Variants in MMP16 observed in about 807,000 individuals in gnomAD.
MMP16 encodes matrix metalloproteinase-16.
MMP16 carries 12 observed loss-of-function variants against 67.8 expected under a neutral mutation model. The ratio of observed to expected loss-of-function variants is 0.18; its 90% CI spans 0.11 to 0.29. The LOEUF (loss-of-function observed/expected upper bound fraction) is 0.29. Among genes scored for constraint, MMP16 ranks in the 10% least tolerant of loss-of-function variants. The pLI, the probability that MMP16 is intolerant of heterozygous loss-of-function variation, is 1.00. For synonymous variants in MMP16, 249 were observed against 255.9 expected (o/e 0.97, Z 0.26); for missense variants, 475 against 765.7 (o/e 0.62, Z 4.48).
At chr8:88,315,078 T>C (rs948536164) in intron 1 of MMP16, among the ~76,000 whole-genome samples, 10 of 152,226 alleles carry the variant, frequency 6.6e-5, no homozygotes, top group Admixed American at 6.5e-4. Flanking sequence ...GTGACTTGAA[T>C]ATCACTGTTC....
At chr8:88,260,252 C>T (rs1380606005) in intron 1 of MMP16, among the ~76,000 whole-genome samples, 2 of 152,068 alleles carry the variant, frequency 1.3e-5, no homozygotes, top group African/African-American at 4.8e-5. Flanking sequence ...TCCTATGAAA[C>T]AGTTCCTTCA....
chr8:88,160,347 A>C (rs180852431), intron 4 of MMP16, among the ~76,000 whole-genome samples: 74 of 152,132 alleles, frequency 4.9e-4, no homozygotes, highest in East Asian at 3.5e-3. Context: ...TATATGTGCC[A>C]CATTTTCTTA....
intron 4 of MMP16, among the ~76,000 whole-genome samples, chr8:88,127,649 T>A (rs1179364744): frequency 1.3e-5 from 2 of 151,854 alleles, no homozygotes; most frequent in Non-Finnish European, 2.9e-5. Flanking sequence ...ATTAGAACTT[T>A]CAAGGTTATA....
intron 6 of MMP16, among the ~76,000 whole-genome samples, chr8:88,086,983 G>C (rs916616765): frequency 2.0e-5 from 3 of 151,832 alleles, no homozygotes; most frequent in Non-Finnish European, 4.4e-5. Context: ...CAGAGACAGA[G>C]AGAGATCAGC....
rs531185727 is a variant in MMP16, at chr8:88,232,886, C to T, written c.133-35580G>A. On this transcript the variant is annotated intron_variant, in intron 1 of 9. Coordinates refer to ENST00000286614, the MANE Select transcript of MMP16 (RefSeq NM_005941.5). ...CCTGCTTTTGGTGAGTTTAAAACCC[C>T]ATCTTGAAAAATAGAATATTCACAT... Among the ~76,000 whole-genome samples the T allele has an allele frequency of 2.9e-4, 44 of 152,154 alleles. No individual in the cohort carries two copies. The South Asian group carries it at 6.2e-3, about 22-fold the overall frequency.
chr8:88,192,455 T>C (rs1809186148), intron 2 of MMP16, among the ~76,000 whole-genome samples: 1 of 152,176 alleles, frequency 6.6e-6, no homozygotes, highest in Admixed American at 6.5e-5. Flanking sequence ...CTTTTTACCT[T>C]TCAGAATAGG....
intron 3 of MMP16, among the ~76,000 whole-genome samples, chr8:88,174,958 T>G (rs1016822156): frequency 2.0e-5 from 3 of 152,158 alleles, no homozygotes; most frequent in African/African-American, 7.2e-5. Context: ...TTCACCATGT[T>G]GGTCAGGCTG....
chr8:88,076,862 C>G (rs953590731), intron 6 of MMP16, among the ~76,000 whole-genome samples: 1 of 151,990 alleles, frequency 6.6e-6, no homozygotes, highest in Admixed American at 6.6e-5. Flanking sequence ...AAACAGAAAG[C>G]TCTCCAAGCT....
chr8:88,226,098 C>T (rs1481396761), intron 1 of MMP16, among the ~76,000 whole-genome samples: 6 of 151,874 alleles, frequency 4.0e-5, no homozygotes, highest in Admixed American at 2.6e-4. Flanking sequence ...AATAGACTGT[C>T]GTGTGTATAC....
chr8:88,095,568 T>C (rs1443317914), intron 6 of MMP16, among the ~76,000 whole-genome samples: 1 of 151,892 alleles, frequency 6.6e-6, no homozygotes, highest in Non-Finnish European at 1.5e-5. Flanking sequence ...GCACCTATTT[T>C]ATTTATAGAT....
intron 1 of MMP16, among the ~76,000 whole-genome samples, chr8:88,308,656 T>C (rs946391604): frequency 3.9e-5 from 6 of 152,110 alleles, no homozygotes; most frequent in Non-Finnish European, 7.4e-5. Flanking sequence ...AAAAGTATTT[T>C]CTGTATATCA....
chr8:88,116,878 C>G (rs1410573777), intron 5 of MMP16, among the ~76,000 whole-genome samples, 160 bp from the exon 6 acceptor site: 3 of 151,930 alleles, frequency 2.0e-5, no homozygotes, highest in Non-Finnish European at 4.4e-5. Context: ...AATATCTTAC[C>G]CAAAAAAGCA....
At chr8:88,193,351 A>G (rs1809199430) in intron 2 of MMP16, among the ~76,000 whole-genome samples, 1 of 152,044 alleles carries the variant, frequency 6.6e-6, no homozygotes. Context: ...TGGGAGCTAA[A>G]AAACAAAACA....
intron 3 of MMP16, among the ~76,000 whole-genome samples, chr8:88,171,760 T>C (rs1218179499): frequency 2.0e-5 from 3 of 152,018 alleles, no homozygotes; most frequent in South Asian, 2.1e-4. Flanking sequence ...TTCAACAACA[T>C]TACTTTAGGA....
intron 3 of MMP16, among the ~76,000 whole-genome samples, chr8:88,181,538 G>A (rs1014515927): frequency 2.0e-5 from 3 of 151,054 alleles, no homozygotes; most frequent in Admixed American, 1.3e-4. Context: ...CAATAAATAG[G>A]AAGATATCCA....
chr8:88,205,662 T>C (rs1033530200), intron 1 of MMP16, among the ~76,000 whole-genome samples: 4 of 152,160 alleles, frequency 2.6e-5, no homozygotes, highest in African/African-American at 9.7e-5. Flanking sequence ...GAGACACCCT[T>C]TCTTCTCACT....
At chr8:88,315,762 T>C (rs960983909) in intron 1 of MMP16, among the ~76,000 whole-genome samples, 1 of 152,198 alleles carries the variant, frequency 6.6e-6, no homozygotes, top group Admixed American at 6.6e-5. Context: ...GGAAGAGTCA[T>C]ACATTTCTCA....
Position 88,093,792 on chromosome 8 carries a change from G to A in MMP16, c.1084-19049C>T, listed in dbSNP as rs540164169. Among the ~76,000 whole-genome samples, 7 of 151,946 alleles carry A rather than the reference G, an allele frequency of 4.6e-5. No individual in the cohort carries two copies. In the South Asian group the frequency reaches 1.5e-3, roughly 31 times the overall value. On this transcript the variant is annotated intron_variant, in intron 6 of 9. Coordinates refer to ENST00000286614, the MANE Select transcript of MMP16 (RefSeq NM_005941.5). ...TGACATGTTATACCCTGTTTCAGGA[G>A]TGTCTGGGTTATGGTTGAACATCAA... is the stretch of plus-strand genomic sequence containing the variant.
chr8:88,081,379 T>A (rs1367553233), intron 6 of MMP16, among the ~76,000 whole-genome samples: 1 of 152,078 alleles, frequency 6.6e-6, no homozygotes, highest in Non-Finnish European at 1.5e-5. Context: ...CTCAGAAAAT[T>A]TCTTACTTAA....
Sources: gnomAD v4.1 joint callset for allele counts (sites outside exome capture counted in the v4.1 genomes callset) on GRCh38, gnomAD v4.1.1 for gene constraint, MANE v1.5 for transcripts, NCBI Gene and HGNC (gene_info 2026-07-23, HGNC 2026-07-21) for gene names.